The following PPP2R5C variants were observed in gnomAD, a reference collection of about 807,000 sequenced individuals.
PPP2R5C encodes the protein serine/threonine-protein phosphatase 2A 56 kDa regulatory subunit gamma isoform.
A neutral mutation model predicts 68.9 loss-of-function variants in PPP2R5C; 7 were observed. That is an observed-to-expected ratio of 0.10 (90% CI 0.06 to 0.19). The LOEUF is 0.19. PPP2R5C is among the 10% of genes least tolerant of loss of function. The pLI is 1.00. For missense variants in PPP2R5C, 348 were observed against 641.3 expected (o/e 0.54, Z 4.94); for synonymous variants, 210 against 222.2 (o/e 0.95, Z 0.49).
chr14:101,890,096 G>A, intron 5 of PPP2R5C, 141 bp from the exon 8 acceptor site: 1 of 772,854 alleles, frequency 1.3e-6, no homozygotes, highest in Non-Finnish European at 2.2e-6. Context: ...GGTTCCTGAA[G>A]GGCTGCTTGC....
At chr14:101,784,591 A>G (rs2037999890) in intron 2 of PPP2R5C, among the ~76,000 whole-genome samples, 1 of 151,974 alleles carries the variant, frequency 6.6e-6, no homozygotes, top group Non-Finnish European at 1.5e-5. Flanking sequence ...AGCAGGGGGG[A>G]AACTGCCCCC....
intron 1 of PPP2R5C, chr14:101,831,827 C>A (rs748204267): frequency 1.4e-6 from 1 of 693,792 alleles, no homozygotes; most frequent in African/African-American, 1.7e-5. Context: ...GTCCTAGAAG[C>A]AATCCCCAAC....
chr14:101,843,702 T>C, intron 1 of PPP2R5C: 1 of 163,086 alleles, frequency 6.1e-6, no homozygotes, highest in Non-Finnish European at 1.3e-5. Context: ...CACTGGAGAT[T>C]TGTCTTCAGT....
intron 1 of PPP2R5C, among the ~76,000 whole-genome samples, chr14:101,812,944 G>C (rs891376726): frequency 1.3e-5 from 2 of 152,220 alleles, no homozygotes; most frequent in Non-Finnish European, 2.9e-5. Flanking sequence ...TAATAAGTTT[G>C]AGTGTGAAAG....
At position 101,835,240 on chromosome 14, in the gene PPP2R5C, T is replaced by TG; in HGVS notation, c.95-21441dup. ...CAAAGATGTGGTGCTGTCCTGTGGC[T>TG]GGGGGAGCAGGATGAATTGGGATAA... On this transcript the variant is annotated intron_variant, in intron 1 of 13. Coordinates refer to ENST00000334743, the Ensembl canonical transcript of PPP2R5C. The surrounding 1 kb of genome is among the most constrained non-coding windows in gnomAD (Gnocchi z 5.0). Among the ~76,000 whole-genome samples, 1 of 152,166 alleles carries TG rather than the reference T, an allele frequency of 6.6e-6. No homozygotes were observed. The highest frequency in any genetic ancestry group is 2.1e-4 in the South Asian group (1 of 4,814).
upstream of PPP2R5C, among the ~76,000 whole-genome samples, chr14:101,808,729 G>A (rs530768512): frequency 1.3e-5 from 2 of 152,312 alleles, no homozygotes; most frequent in East Asian, 3.9e-4. Context: ...AATTGTGTGA[G>A]AAACTATTAA....
chr14:101,826,015 T>C (rs1237394450), intron 1 of PPP2R5C, among the ~76,000 whole-genome samples: 1 of 152,234 alleles, frequency 6.6e-6, no homozygotes, highest in Non-Finnish European at 1.5e-5. Flanking sequence ...CTATCACAGC[T>C]GTCACAGCAA....
chr14:101,847,862 C>T (rs1459126126), intron 1 of PPP2R5C, among the ~76,000 whole-genome samples: 1 of 152,084 alleles, frequency 6.6e-6, no homozygotes, highest in Non-Finnish European at 1.5e-5. Context: ...GGGGTTTCAC[C>T]ATGTTGGCCA....
chr14:101,817,653 G>A (rs1365224884), intron 1 of PPP2R5C, among the ~76,000 whole-genome samples: 1 of 152,138 alleles, frequency 6.6e-6, no homozygotes, highest in Non-Finnish European at 1.5e-5. Context: ...GCTGAGGGTA[G>A]GACCTGGAGC....
chr14:101,786,029 C>T, exon 3 of PPP2R5C: 2 of 1,522,536 alleles, frequency 1.3e-6, no homozygotes, highest in South Asian at 1.3e-5. Context: ...AAATTTCCGT[C>T]AGGAAAAACA....
At chr14:101,849,579 A>G (rs1746595) in intron 1 of PPP2R5C, among the ~76,000 whole-genome samples, 33,393 of 151,146 alleles carry the variant, frequency 0.22, 2,986 homozygotes, top group African/African-American at 0.25. Context: ...ATATGAGTCT[A>G]TTGGTTATAT....
At chr14:101,836,153 G>GTT (rs747172357) in intron 1 of PPP2R5C, 53 of 537,952 alleles carry the variant, frequency 9.9e-5, no homozygotes, top group Middle Eastern at 2.8e-4. Flanking sequence ...CAGCTGAAAG[G>GTT]TTTTTTTTTT....
At chr14:101,908,444 G>T (rs2046187760) in intron 10 of PPP2R5C, among the ~76,000 whole-genome samples, 1 of 152,096 alleles carries the variant, frequency 6.6e-6, no homozygotes, top group Admixed American at 6.6e-5. Flanking sequence ...CACCATCCTG[G>T]CTCACTGCAG....
In PPP2R5C at chr14:101,845,985, T is replaced by A. The variant is rs2041804842; in HGVS notation, c.95-10701T>A. On this transcript the variant is annotated intron_variant, in intron 1 of 13. Coordinates refer to ENST00000334743, the Ensembl canonical transcript of PPP2R5C. ...AGTGTACCTGGCGGTACTGTTCATT[T>A]TGCCCGAAATCCACCCACACGGAGT... Among the ~76,000 whole-genome samples, 4 of 152,188 alleles carry A rather than the reference T, an allele frequency of 2.6e-5. No homozygotes were observed. The South Asian group carries it at 8.3e-4, about 32-fold the overall frequency.
intron 5 of PPP2R5C, among the ~76,000 whole-genome samples, chr14:101,887,102 CAACTT>C (rs1195944043): frequency 6.6e-6 from 1 of 152,220 alleles, no homozygotes; most frequent in Non-Finnish European, 1.5e-5. Context: ...ATATTTGGCT[CAACTT>C]AACTGAAAAT....
intron 1 of PPP2R5C, among the ~76,000 whole-genome samples, chr14:101,814,299 A>AT: frequency 6.6e-6 from 1 of 152,262 alleles, no homozygotes; most frequent in Non-Finnish European, 1.5e-5. Context: ...GTGACTTTAT[A>AT]GAACTACAGC....
At chr14:101,889,852 A>G (rs2044748354) in intron 5 of PPP2R5C, 1 of 392,512 alleles carries the variant, frequency 2.5e-6, no homozygotes, top group African/African-American at 2.1e-5. Context: ...AAAACGTAAG[A>G]TGGATTAATG....
chr14:101,816,474 G>A lies in PPP2R5C; in HGVS notation c.94+6438G>A, dbSNP rs1216733070. Among the ~76,000 whole-genome samples the A allele has an allele frequency of 2.0e-5, 3 of 152,080 alleles. No individual in the cohort carries two copies. In the East Asian group the frequency reaches 5.8e-4, roughly 29 times the overall value. ...GAAAAAAGACTAAAGAGATATAACAGGTACCGTGAGTGAATCTAGATCAGA... is the reference window on the plus strand; with the variant it reads ...GAAAAAAGACTAAAGAGATATAACAAGTACCGTGAGTGAATCTAGATCAGA... On this transcript the variant is annotated intron_variant, in intron 1 of 13. Transcript: ENST00000334743.
rs1264588575 is a variant in PPP2R5C, at chr14:101,825,953, A to G, written c.94+15917A>G. ...AGCATGAAGAATGAAGAGGGAACTGACCAAGGATCGGTGAGAATAGGAGGT... is the reference window on the plus strand; with the variant it reads ...AGCATGAAGAATGAAGAGGGAACTGGCCAAGGATCGGTGAGAATAGGAGGT... On this transcript the variant is annotated intron_variant, in intron 1 of 13. Coordinates refer to ENST00000334743, the Ensembl canonical transcript of PPP2R5C. This position sits in a 1 kb window ranked among gnomAD's most constrained non-coding sequence, Gnocchi z 4.0. Among the ~76,000 whole-genome samples the G allele has an allele frequency of 6.6e-6, 1 of 152,190 alleles. No homozygotes were observed. Among genetic ancestry groups the G allele is most frequent in the Non-Finnish European group, 1.5e-5 (1 of 68,040 alleles).
Sources: gnomAD v4.1 joint callset for allele counts (sites outside exome capture counted in the v4.1 genomes callset) on GRCh38, gnomAD v4.1.1 for gene constraint, Gnocchi (gnomAD v3.1) non-coding constraint, MANE v1.5 for transcripts, NCBI Gene and HGNC (gene_info 2026-07-23, HGNC 2026-07-21) for gene names.